PRKAR2A: variants seen among roughly 807,000 people sequenced by gnomAD.
PRKAR2A encodes protein kinase cAMP-dependent type II regulatory subunit alpha, also known as cAMP-dependent protein kinase type II-alpha regulatory subunit.
In PRKAR2A, 29 loss-of-function variants were observed where a neutral mutation model predicts 51.9. The ratio of observed to expected loss-of-function variants is 0.56; its 90% confidence interval spans 0.42 to 0.76. The LOEUF is 0.76. PRKAR2A is among the 30% of genes least tolerant of loss of function. The pLI is 0.00. For missense variants in PRKAR2A, 445 were observed against 512.1 expected (o/e 0.87, Z 1.26); for synonymous variants, 178 against 186.2 (o/e 0.96, Z 0.36).
rs1423009685 is a variant in PRKAR2A, at chr3:48,770,448, A to C, written c.696+2507T>G. The stretch of plus-strand genomic sequence containing the variant: ...AGGATCCAACTTGAAAAACTCAGTG[A>C]CGACACCAGATCCTCCCTACTTCAA... On this transcript the variant is annotated intron_variant, in intron 6 of 10. Coordinates refer to ENST00000265563, the MANE Select transcript of PRKAR2A (RefSeq NM_004157.4). 3.3e-5 allele frequency among the ~76,000 whole-genome samples: 5 copies of C among 152,094 alleles called. 1 individual carries two copies. The highest frequency in any genetic ancestry group is 7.4e-5 in the Non-Finnish European group (5 of 68,026).
intron 1 of PRKAR2A, among the ~76,000 whole-genome samples, chr3:48,821,139 TC>T (rs1462642189): frequency 1.3e-5 from 2 of 152,114 alleles, no homozygotes; most frequent in African/African-American, 4.8e-5. Context: ...AAAGAACGTC[TC>T]CCTAAGTATA....
Position 48,829,352 on chromosome 3 carries a change from A to C in PRKAR2A, c.262+17983T>G, listed in dbSNP as rs552191522. Among the ~76,000 whole-genome samples the C allele has an allele frequency of 4.7e-5, 7 of 150,464 alleles. 1 individual carries two copies. The highest frequency in any genetic ancestry group is 1.5e-4 in the African/African-American group (6 of 41,182). ...TGGCCAACATGGGGAAACCCTGTCT[A>C]TACTAAAAATACAAAAATTAGCTGC... On this transcript the variant is annotated intron_variant, in intron 1 of 10. Coordinates refer to ENST00000265563, the MANE Select transcript of PRKAR2A (RefSeq NM_004157.4).
rs570925103 is a variant in PRKAR2A, at chr3:48,847,565, G to T, written c.32C>A (p.Thr11Lys). 23 of 1,552,292 alleles carry T rather than the reference G, an allele frequency of 1.5e-5. No homozygotes were observed. Among genetic ancestry groups the T allele is most frequent in the Non-Finnish European group, 1.9e-5 (22 of 1,153,800 alleles). MSHIQIPPGL[T>K]ELLQGYTVEV... ...CACCGTGTAGCCCTGCAGCAGCTCC[G>T]TGAGCCCCGGCGGGATCTGGATGTG... Residue 11 changes from threonine (T) to lysine (K), a missense_variant, in exon 1 of 11, where the codon ACG becomes AAG. Physicochemically the swap from Thr to Lys is moderately conservative, Grantham distance 78. Coordinates refer to ENST00000265563, the MANE Select transcript of PRKAR2A (RefSeq NM_004157.4). This position sits in a 1 kb window ranked among gnomAD's most constrained non-coding sequence, Gnocchi z 4.4.
At chr3:48,826,670 C>T (rs544912946) in intron 1 of PRKAR2A, among the ~76,000 whole-genome samples, 4 of 152,144 alleles carry the variant, frequency 2.6e-5, no homozygotes, top group East Asian at 3.9e-4. Flanking sequence ...GTGACCAGCC[C>T]CCATCCTGAA....
intron 5 of PRKAR2A, among the ~76,000 whole-genome samples, chr3:48,773,948 C>T (rs2082068005): frequency 1.3e-5 from 1 of 78,592 alleles, no homozygotes; most frequent in Non-Finnish European, 2.6e-5. Flanking sequence ...GCAATCCTCT[C>T]ACCTCAGCCC....
rs1350128228 is a variant in PRKAR2A, at chr3:48,750,565, G to C, written c.*1020C>G. On this transcript the variant is annotated 3_prime_UTR_variant, in exon 11 of 11. Transcript: ENST00000265563. ...CTTTAAAGAGTTTAAAAATTGATCGGTTCAATGGCAAAGCTACACAACAAC... is the reference window on the plus strand; with the variant it reads ...CTTTAAAGAGTTTAAAAATTGATCGCTTCAATGGCAAAGCTACACAACAAC... 1 of 152,222 alleles carries C rather than the reference G, an allele frequency of 6.6e-6. No homozygotes were observed. The highest frequency in any genetic ancestry group is 1.5e-5 in the Non-Finnish European group (1 of 68,030). 9.4% of individuals were successfully genotyped at this position (152,222 alleles called of 1,614,324 possible).
Position 48,765,035 on chromosome 3 carries a change from A to G in PRKAR2A, c.842T>C (p.Ile281Thr), listed in dbSNP as rs1304727640. 6.2e-7 allele frequency: 1 copy of G among 1,614,086 alleles called. No individual in the cohort carries two copies. The highest frequency in any genetic ancestry group is 1.7e-5 in the Admixed American group (1 of 60,006). Reference protein sequence around the residue: ...MKIVDVIGEKIYKDGERIITQ... With the variant: ...MKIVDVIGEKTYKDGERIITQ... ...GATTATGCGTTCTCCATCCTTATAG[A>G]TCTTCTCTCCTATTACATCCACAAT... The change falls in exon 8 of 11, where the codon ATC becomes ACC. Residue 281 changes from isoleucine to threonine, a missense_variant. Physicochemically the swap from Ile to Thr is moderately conservative, Grantham distance 89. Transcript: ENST00000265563.
intron 5 of PRKAR2A, among the ~76,000 whole-genome samples, chr3:48,782,748 G>A (rs534472864): frequency 2.6e-5 from 4 of 152,258 alleles, no homozygotes; most frequent in Admixed American, 6.5e-5. Context: ...GAGCCACTGC[G>A]CCTGGCCTAA....
intron 2 of PRKAR2A, 65 bp downstream of exon 2, chr3:48,807,584 T>C: frequency 7.8e-7 from 1 of 1,286,456 alleles, no homozygotes. Context: ...AAAATATCTG[T>C]TTTTTCAATA....
In PRKAR2A at chr3:48,749,509, T is replaced by G. The variant is rs1044357123; in HGVS notation, c.*2076A>C. 5.3e-5 allele frequency: 8 copies of G among 149,588 alleles called. No homozygotes were observed. The highest frequency in any genetic ancestry group is 6.8e-3 in the Middle Eastern group (2 of 294). 9.3% of individuals were successfully genotyped at this position (149,588 alleles called of 1,614,324 possible). A position where few individuals can be genotyped will look rare whatever the true frequency, so the allele number is the denominator to read the frequency against. On this transcript the variant is annotated 3_prime_UTR_variant, in exon 11 of 11. Transcript: ENST00000265563. ...TTTTTTTTTTTTTTTTGAGATGGAG[T>G]CTTGCACTGTCACCCGGGGTGGAAT...
Position 48,780,784 on chromosome 3 carries a change from T to C in PRKAR2A, c.542+2202A>G, listed in dbSNP as rs369698980. 1.2e-4 allele frequency among the ~76,000 whole-genome samples: 18 copies of C among 152,040 alleles called. No individual in the cohort carries two copies. In the East Asian group the frequency reaches 2.5e-3, roughly 21 times the overall value. Reference sequence around the variant, plus strand: ...CTATTTGATGGAGATTAAAAGAATCTTAAAAATGAGGAGAATAATTAGAAA... The same window carrying C: ...CTATTTGATGGAGATTAAAAGAATCCTAAAAATGAGGAGAATAATTAGAAA... On this transcript the variant is annotated intron_variant, in intron 5 of 10. Transcript: ENST00000265563.
At chr3:48,769,259 G>A (rs1003099490) in intron 6 of PRKAR2A, among the ~76,000 whole-genome samples, 12 of 150,182 alleles carry the variant, frequency 8.0e-5, no homozygotes, top group African/African-American at 2.7e-4. Flanking sequence ...CCTGGTTCAC[G>A]CCATTCTCCT....
intron 4 of PRKAR2A, among the ~76,000 whole-genome samples, chr3:48,787,622 C>T (rs989315474): frequency 2.6e-5 from 4 of 152,174 alleles, no homozygotes; most frequent in African/African-American, 4.8e-5. Context: ...AAGAAGCAAG[C>T]CCCTTTTCCA....
intron 1 of PRKAR2A, among the ~76,000 whole-genome samples, chr3:48,820,984 A>G (rs1001871766): frequency 6.6e-6 from 1 of 152,174 alleles, no homozygotes; most frequent in East Asian, 1.9e-4. Flanking sequence ...CTGTTACTCC[A>G]GGCTCCCTAT....
At chr3:48,820,447 G>A (rs2082942832) in intron 1 of PRKAR2A, among the ~76,000 whole-genome samples, 1 of 152,144 alleles carries the variant, frequency 6.6e-6, no homozygotes, top group South Asian at 2.1e-4. Context: ...CTAAAACAGA[G>A]AACCTGACTC....
intron 1 of PRKAR2A, among the ~76,000 whole-genome samples, chr3:48,827,434 T>C (rs1374231524): frequency 6.6e-6 from 1 of 151,928 alleles, no homozygotes; most frequent in Non-Finnish European, 1.5e-5. Flanking sequence ...ACTTTTAAAA[T>C]ATTGGATGCC....
chr3:48,783,382 C>T (rs910658784), intron 4 of PRKAR2A, among the ~76,000 whole-genome samples: 5 of 152,142 alleles, frequency 3.3e-5, no homozygotes, highest in Admixed American at 2.6e-4. Context: ...CCCAGCCACA[C>T]CCACATGACT....
rs140805118 is a variant in PRKAR2A, at chr3:48,771,068, A to G, written c.696+1887T>C. On this transcript the variant is annotated intron_variant, in intron 6 of 10. Transcript: ENST00000265563. ...TGGTGAAACTCCATTTCTACTAAAAATACAAAAATTGGCTGGGCGTGGTGG... is the reference window on the plus strand; with the variant it reads ...TGGTGAAACTCCATTTCTACTAAAAGTACAAAAATTGGCTGGGCGTGGTGG... Among the ~76,000 whole-genome samples the G allele has an allele frequency of 1.4e-4, 21 of 152,028 alleles. No homozygotes were observed. In the East Asian group the frequency reaches 2.5e-3, roughly 18 times the overall value.
rs1490338619 is a variant in PRKAR2A at position 48,808,044 on chromosome 3, C to CTT, written c.263-362_263-361dup. 1.3e-3 allele frequency among the ~76,000 whole-genome samples: 176 copies of CTT among 135,034 alleles called. 1 individual carries two copies. Among genetic ancestry groups the CTT allele is most frequent in the South Asian group, 8.0e-3 (32 of 3,988 alleles). The allele number at this position is 135,034 out of a possible 152,430, so 88.6% of individuals were successfully genotyped here. On this transcript the variant is annotated intron_variant, in intron 1 of 10. Transcript: ENST00000265563. ...GTAGTGAAATTTTCTTTTTTTCTTTCTTTCTTTTTTTTTTTTTTTTTGAGA... is the reference window on the plus strand; with the variant it reads ...GTAGTGAAATTTTCTTTTTTTCTTTCTTTTTCTTTTTTTTTTTTTTTTTGAGA...
Sources: gnomAD v4.1 joint callset for allele counts (sites outside exome capture counted in the v4.1 genomes callset) on GRCh38, gnomAD v4.1.1 for gene constraint, Gnocchi (gnomAD v3.1) non-coding constraint, MANE v1.5 for transcripts, NCBI Gene and HGNC (gene_info 2026-07-23, HGNC 2026-07-21) for gene names.